GPR39: variants seen among roughly 807,000 people sequenced by gnomAD.
The protein encoded by GPR39 is G protein-coupled receptor 39, also known as zinc sensing receptor.
A neutral mutation model predicts 18.4 loss-of-function variants in GPR39; 23 were observed. The ratio of observed to expected loss-of-function variants is 1.25; its 90% CI spans 0.90 to 1.77. The LOEUF (loss-of-function observed/expected upper bound fraction) is 1.77, where lower values mean the gene tolerates loss of function less well. Ranked by LOEUF, GPR39 falls within the 40% of genes most tolerant of loss-of-function variation. GPR39 has a pLI of 0.00. For missense variants in GPR39, 647 were observed against 602.4 expected, an observed-to-expected ratio of 1.07 and a Z score of -0.78; for synonymous variants, 280 against 257.9, an observed-to-expected ratio of 1.09 and a Z score of -0.82.
At chr2:132,558,840 C>G (rs975582609) in intron 1 of GPR39, among the ~76,000 whole-genome samples, 5 of 152,154 alleles carry the variant, frequency 3.3e-5, no homozygotes. Context: ...AATAGGTGCT[C>G]AGCTCAACAG....
At chr2:132,506,700 C>G (rs938395464) in intron 1 of GPR39, among the ~76,000 whole-genome samples, 2 of 152,106 alleles carry the variant, frequency 1.3e-5, no homozygotes, top group Non-Finnish European at 2.9e-5. Context: ...ATCACAAGAA[C>G]AGCATGGAGG....
intron 1 of GPR39, among the ~76,000 whole-genome samples, chr2:132,420,928 C>T (rs990215791): frequency 6.6e-6 from 1 of 152,168 alleles, no homozygotes; most frequent in African/African-American, 2.4e-5. Context: ...TGCAAAAGTG[C>T]ACATTCCTGG....
At chr2:132,501,675 G>C (rs921553520) in intron 1 of GPR39, among the ~76,000 whole-genome samples, 2 of 151,890 alleles carry the variant, frequency 1.3e-5, no homozygotes, top group Non-Finnish European at 2.9e-5. Flanking sequence ...GACCTGTCTA[G>C]TAAAGTCCCT....
At chr2:132,551,123 TTTGGTTCAGCAG>T (rs1680035246) in intron 1 of GPR39, among the ~76,000 whole-genome samples, 3 of 152,200 alleles carry the variant, frequency 2.0e-5, no homozygotes, top group Non-Finnish European at 4.4e-5. Flanking sequence ...AGAGTTTGGC[TTTGGTTCAGCAG>T]CTCAACGATG....
chr2:132,600,938 C>T (rs36016546), intron 1 of GPR39, among the ~76,000 whole-genome samples: 1 of 152,142 alleles, frequency 6.6e-6, no homozygotes, highest in Non-Finnish European at 1.5e-5. Flanking sequence ...TTCTCTCACC[C>T]TCCTCCAACC....
At chr2:132,496,927 G>A (rs1200963818) in intron 1 of GPR39, among the ~76,000 whole-genome samples, 1 of 152,192 alleles carries the variant, frequency 6.6e-6, no homozygotes, top group African/African-American at 2.4e-5. Flanking sequence ...AAAGGCAGAG[G>A]GAAAGATGCT....
intron 1 of GPR39, among the ~76,000 whole-genome samples, chr2:132,514,178 A>G (rs911674247): frequency 6.6e-6 from 1 of 152,074 alleles, no homozygotes; most frequent in Non-Finnish European, 1.5e-5. Flanking sequence ...ATCTGGCCTT[A>G]GGGGATGCAG....
rs1440272848 is a variant in GPR39, at chr2:132,627,354, A to G, written c.857-17747A>G. On this transcript the variant is annotated intron_variant, in intron 1 of 1. Transcript: ENST00000329321. ...CATGAAAACTGCTGTCTACTTAACC[A>G]TCCAAGTACAACAGTGTGCAGAAAA... Among the ~76,000 whole-genome samples the G allele has an allele frequency of 4.6e-5, 7 of 152,330 alleles. No homozygotes were observed. In the East Asian group the frequency reaches 9.6e-4, roughly 21 times the overall value.
intron 1 of GPR39, among the ~76,000 whole-genome samples, chr2:132,555,191 C>T (rs180888098): frequency 2.0e-5 from 3 of 151,556 alleles, no homozygotes; most frequent in African/African-American, 7.3e-5. Flanking sequence ...ACCTTGTGAT[C>T]CACCTGCCTA....
intron 1 of GPR39, among the ~76,000 whole-genome samples, chr2:132,493,063 C>CAT (rs1681532962): frequency 1.7e-5 from 1 of 59,612 alleles, no homozygotes; most frequent in East Asian, 5.3e-4. Context: ...ATATATACAC[C>CAT]ATATATATAC....
chr2:132,637,813 C>T (rs1258379232), intron 1 of GPR39, among the ~76,000 whole-genome samples: 1 of 152,198 alleles, frequency 6.6e-6, no homozygotes, highest in Non-Finnish European at 1.5e-5. Flanking sequence ...TTGACAAACT[C>T]AGCAATGGGC....
In GPR39 at chr2:132,417,194, C is replaced by G. The variant is rs1433940403; in HGVS notation, c.152C>G (p.Thr51Ser). 1 of 1,614,102 alleles carries G rather than the reference C, an allele frequency of 6.2e-7. No individual in the cohort carries two copies. The highest frequency in any genetic ancestry group is 8.5e-7 in the Non-Finnish European group (1 of 1,180,022). Residue 51 changes from threonine to serine, a missense_variant, in exon 1 of 2, where the codon ACC becomes AGC. By Grantham distance (58) the Thr-to-Ser change is moderately conservative. Around this residue, in one of 3 missense-constraint regions of GPR39, gnomAD observed 61 missense variants for 79.2 expected, o/e 0.77. Transcript: ENST00000329321. Reference protein sequence around the residue: ...FVMGLLGNSATIRVTQVLQKK... With the variant: ...FVMGLLGNSASIRVTQVLQKK... Reference sequence around the variant, plus strand: ...ATGGGCCTTCTGGGGAACAGCGCCACCATTCGGGTCACCCAGGTGCTGCAG... The same window carrying G: ...ATGGGCCTTCTGGGGAACAGCGCCAGCATTCGGGTCACCCAGGTGCTGCAG...
chr2:132,616,993 T>C (rs529487472), intron 1 of GPR39, among the ~76,000 whole-genome samples: 1 of 152,326 alleles, frequency 6.6e-6, no homozygotes, highest in South Asian at 2.1e-4. Flanking sequence ...AGAGACATTT[T>C]TAAAAAATTT....
intron 1 of GPR39, among the ~76,000 whole-genome samples, chr2:132,562,059 A>C (rs1680263438): frequency 6.6e-6 from 1 of 152,148 alleles, no homozygotes; most frequent in African/African-American, 2.4e-5. Flanking sequence ...TTAACCCAGA[A>C]TATTAACTAT....
Position 132,434,858 on chromosome 2 carries a change from C to T in GPR39, c.856+16960C>T, listed in dbSNP as rs144521859. Among the ~76,000 whole-genome samples, 721 of 152,200 alleles carry T rather than the reference C, an allele frequency of 4.7e-3. 5 individuals are homozygous for T. Among genetic ancestry groups the T allele is most frequent in the African/African-American group, 0.016 (667 of 41,540 alleles). ...AACATCAGGTGGGGGTGAAGGGTTT[C>T]AAGATATGGGTCTTAGAGACATACA... On this transcript the variant is annotated intron_variant, in intron 1 of 1. Coordinates refer to ENST00000329321, the MANE Select transcript of GPR39 (RefSeq NM_001508.3).
At chr2:132,421,411 G>A (rs932783778) in intron 1 of GPR39, among the ~76,000 whole-genome samples, 1 of 152,064 alleles carries the variant, frequency 6.6e-6, no homozygotes, top group African/African-American at 2.4e-5. Context: ...GAACTAGAGG[G>A]CAGTGATTGG....
chr2:132,609,153 TG>T (rs975845625), intron 1 of GPR39, among the ~76,000 whole-genome samples: 3 of 152,150 alleles, frequency 2.0e-5, no homozygotes, highest in Non-Finnish European at 1.5e-5. Context: ...TACGCGGCCA[TG>T]GGCCCCTAAG....
chr2:132,511,903 C>G (rs1192802205), intron 1 of GPR39, among the ~76,000 whole-genome samples: 2 of 131,498 alleles, frequency 1.5e-5, no homozygotes, highest in Non-Finnish European at 3.3e-5. Flanking sequence ...TACATTGAAC[C>G]ACTGTGCTAC....
intron 1 of GPR39, among the ~76,000 whole-genome samples, chr2:132,543,252 C>A (rs1233275127): frequency 6.6e-6 from 1 of 152,164 alleles, no homozygotes; most frequent in Non-Finnish European, 1.5e-5. Flanking sequence ...GGCGTGAATT[C>A]CTGGCAGCTC....
Sources: gnomAD v4.1 joint callset for allele counts (sites outside exome capture counted in the v4.1 genomes callset) on GRCh38, gnomAD v4.1.1 for gene constraint, gnomAD v4.1.1 regional missense constraint, MANE v1.5 for transcripts, NCBI Gene and HGNC (gene_info 2026-07-23, HGNC 2026-07-21) for gene names.